The following BICD1 variants were observed in gnomAD, a reference collection of about 807,000 sequenced individuals.
BICD1 encodes the protein BICD cargo adaptor 1.
BICD1 carries 35 observed loss-of-function variants against 92.5 expected under a neutral mutation model. The ratio of observed to expected loss-of-function variants is 0.38; its 90% CI spans 0.29 to 0.50. The LOEUF (loss-of-function observed/expected upper bound fraction) is 0.50. Among genes scored for constraint, BICD1 ranks in the 20% least tolerant of loss-of-function variants. The pLI, the probability that BICD1 is intolerant of heterozygous loss-of-function variation, is 0.93. For missense variants in BICD1, 950 were observed against 1,189.8 expected (o/e 0.80, Z 2.97); for synonymous variants, 429 against 465.1 (o/e 0.92, Z 1.00).
In BICD1 at chr12:32,155,458, G is replaced by A. The variant is rs1207338273; in HGVS notation, c.213+47914G>A. Among the ~76,000 whole-genome samples, 4 of 152,130 alleles carry A rather than the reference G, an allele frequency of 2.6e-5. No individual in the cohort carries two copies. In the East Asian group the frequency reaches 7.7e-4, roughly 29 times the overall value. On this transcript the variant is annotated intron_variant, in intron 1 of 9. Coordinates refer to ENST00000652176, the MANE Select transcript of BICD1 (RefSeq NM_001714.4). ...TTTAAAATCATGATATCTAGTTCAG[G>A]CACTCATCTTTTAGGTTTCTCACAG...
chr12:32,329,382 C>T (rs532326261), intron 5 of BICD1, among the ~76,000 whole-genome samples: 1 of 152,250 alleles, frequency 6.6e-6, no homozygotes, highest in South Asian at 2.1e-4. Flanking sequence ...CAGGCATGAA[C>T]CACCGCGCCC....
chr12:32,270,445 A>G (rs1947109316), intron 2 of BICD1, among the ~76,000 whole-genome samples: 1 of 152,188 alleles, frequency 6.6e-6, no homozygotes. Context: ...CAAGTAAAAG[A>G]AGAAAAAGTT....
intron 1 of BICD1, among the ~76,000 whole-genome samples, chr12:32,177,791 A>ATATATTT: frequency 1.5e-5 from 1 of 68,304 alleles, no homozygotes; most frequent in Non-Finnish European, 3.2e-5. Flanking sequence ...AAATATTTAT[A>ATATATTT]AAAATATAAA....
intron 3 of BICD1, among the ~76,000 whole-genome samples, chr12:32,296,319 G>A (rs182180433): frequency 3.4e-4 from 46 of 135,284 alleles, no homozygotes; most frequent in African/African-American, 1.1e-3. Context: ...GTGCAGTGGC[G>A]CGATCTTGGC....
chr12:32,297,456 A>C (rs1947907024), intron 3 of BICD1, among the ~76,000 whole-genome samples: 2 of 152,102 alleles, frequency 1.3e-5, no homozygotes, highest in Non-Finnish European at 2.9e-5. Context: ...TCTGCCTCCC[A>C]AAGTGCTGGG....
chr12:32,363,794 G>C (rs565433626), intron 8 of BICD1, among the ~76,000 whole-genome samples: 1 of 152,268 alleles, frequency 6.6e-6, no homozygotes, highest in East Asian at 1.9e-4. Context: ...TGCAAGTTCA[G>C]CTCAGCCCTT....
chr12:32,361,785 C>G (rs920960288), intron 8 of BICD1, among the ~76,000 whole-genome samples: 10 of 152,136 alleles, frequency 6.6e-5, no homozygotes, highest in African/African-American at 2.4e-4. Flanking sequence ...AGCGATGCTA[C>G]AGGAGACTGT....
intron 8 of BICD1, among the ~76,000 whole-genome samples, chr12:32,346,336 G>C (rs1938564991): frequency 6.7e-6 from 1 of 150,274 alleles, no homozygotes; most frequent in South Asian, 2.1e-4. Flanking sequence ...GGGCATCATG[G>C]TGAAACCCTG....
intron 1 of BICD1, among the ~76,000 whole-genome samples, chr12:32,214,912 A>G (rs1001955778): frequency 1.3e-5 from 2 of 151,894 alleles, no homozygotes; most frequent in Non-Finnish European, 2.9e-5. Context: ...GTGAAACATG[A>G]TTATTGTTCT....
At position 32,142,453 on chromosome 12, in the gene BICD1, C is replaced by CCTATCTATCTATCTATCTATCTAT. The variant is rs71065001; in HGVS notation, c.213+34922_213+34945dup. On this transcript the variant is annotated intron_variant, in intron 1 of 9. Coordinates refer to ENST00000652176, the MANE Select transcript of BICD1 (RefSeq NM_001714.4). ...AAAACAAAAAACCCCACCTATCTATCCTATCTATCTATCTATCTATCTATC... is the reference window on the plus strand; with the variant it reads ...AAAACAAAAAACCCCACCTATCTATCCTATCTATCTATCTATCTATCTATCTATCTATCTATCTATCTATCTATC... Among the ~76,000 whole-genome samples the CCTATCTATCTATCTATCTATCTAT allele has an allele frequency of 3.8e-3, 432 of 112,880 alleles. 4 individuals carry two copies. The highest frequency in any genetic ancestry group is 5.3e-3 in the South Asian group (17 of 3,198). The allele number at this position is 112,880 out of a possible 152,430, so 74.1% of individuals were successfully genotyped here. A position where few individuals can be genotyped will look rare whatever the true frequency, so the allele number is the denominator to read the frequency against.
chr12:32,341,631 G>A (rs1565684070), intron 8 of BICD1, among the ~76,000 whole-genome samples: 1 of 152,110 alleles, frequency 6.6e-6, no homozygotes, highest in Non-Finnish European at 1.5e-5. Flanking sequence ...TGTTATTATA[G>A]CCTTAGGAAT....
intron 1 of BICD1, among the ~76,000 whole-genome samples, chr12:32,212,747 A>G (rs929028734): frequency 1.3e-5 from 2 of 152,168 alleles, no homozygotes; most frequent in Admixed American, 6.6e-5. Flanking sequence ...AAATTTCAAA[A>G]TGTAATAAAA....
chr12:32,369,970 C>T (rs1284597777), intron 9 of BICD1, among the ~76,000 whole-genome samples: 1 of 152,114 alleles, frequency 6.6e-6, no homozygotes, highest in Non-Finnish European at 1.5e-5. Context: ...CAGCAGTTTC[C>T]AATTGGTGTG....
At chr12:32,234,671 C>CTTTTTT (rs112868471) in intron 2 of BICD1, among the ~76,000 whole-genome samples, 1 of 120,738 alleles carries the variant, frequency 8.3e-6, no homozygotes, top group Non-Finnish European at 1.7e-5. Flanking sequence ...TTTTTTCTTT[C>CTTTTTT]TTTTTTTTTT....
chr12:32,294,848 G>A (rs1365933036), intron 3 of BICD1, among the ~76,000 whole-genome samples: 1 of 151,812 alleles, frequency 6.6e-6, no homozygotes, highest in Non-Finnish European at 1.5e-5. Flanking sequence ...TTGGGAGGCC[G>A]AGGCGGGTGG....
At chr12:32,303,503 T>A (rs754902457) in intron 3 of BICD1, among the ~76,000 whole-genome samples, 6 of 152,152 alleles carry the variant, frequency 3.9e-5, no homozygotes, top group Non-Finnish European at 5.9e-5. Context: ...GGCTACATTC[T>A]TCACTCCTCC....
At chr12:32,113,133 G>T (rs1941758872) in intron 1 of BICD1, among the ~76,000 whole-genome samples, 1 of 152,154 alleles carries the variant, frequency 6.6e-6, no homozygotes, top group Non-Finnish European at 1.5e-5. Context: ...TATGGTGATG[G>T]TCATAGTGGG....
chr12:32,193,721 C>T (rs918065051), intron 1 of BICD1, among the ~76,000 whole-genome samples: 5 of 152,142 alleles, frequency 3.3e-5, no homozygotes, highest in Admixed American at 1.3e-4. Context: ...TCAAAAACCT[C>T]CAGCAAAGAA....
rs188462923 is a variant in BICD1 at position 32,184,736 on chromosome 12, G to A, written c.214-31511G>A. Among the ~76,000 whole-genome samples, 14 of 152,274 alleles carry A rather than the reference G, an allele frequency of 9.2e-5. No individual in the cohort carries two copies. In the East Asian group the frequency reaches 2.7e-3, roughly 29 times the overall value. On this transcript the variant is annotated intron_variant, in intron 1 of 9. Coordinates refer to ENST00000652176, the MANE Select transcript of BICD1 (RefSeq NM_001714.4). The stretch of plus-strand genomic sequence containing the variant: ...AAAAAGGTGGATGAATTACAACTAA[G>A]TCATCTTTTAGCTTTGCTTTCTTGA...
Sources: gnomAD v4.1 joint callset for allele counts (sites outside exome capture counted in the v4.1 genomes callset) on GRCh38, gnomAD v4.1.1 for gene constraint, MANE v1.5 for transcripts, NCBI Gene and HGNC (gene_info 2026-07-23, HGNC 2026-07-21) for gene names.